The following PCDHGB4 variants were observed in gnomAD, a reference collection of about 807,000 sequenced individuals.
PCDHGB4 encodes the protein protocadherin gamma subfamily B, 4, also known as protocadherin gamma-B4.
PCDHGB4 carries 38 observed loss-of-function variants against 60.5 expected under a neutral mutation model. That is an observed-to-expected ratio of 0.63 (90% CI 0.48 to 0.82). The LOEUF (loss-of-function observed/expected upper bound fraction) is 0.82. Ranked by LOEUF, PCDHGB4 falls within the 40% of genes least tolerant of loss-of-function variation. The probability of loss-of-function intolerance (pLI) is 0.00; values close to 1 mark genes in which losing one functional copy is unlikely to be tolerated. For synonymous variants in PCDHGB4, 456 were observed against 509.7 expected (o/e 0.89, Z 1.42); for missense variants, 1,109 against 1,209.6 (o/e 0.92, Z 1.23).
chr5:141,482,126 A>G (rs1235540230), intron 1 of PCDHGB4, among the ~76,000 whole-genome samples: 1 of 152,004 alleles, frequency 6.6e-6, no homozygotes, highest in Non-Finnish European at 1.5e-5. Flanking sequence ...TGGGAGAATC[A>G]TATGGCTGGC....
Position 141,487,686 on chromosome 5 carries a change from T to G in PCDHGB4, c.2398-7121T>G, listed in dbSNP as rs778973495. The G allele has an allele frequency of 4.4e-6, 7 of 1,605,914 alleles. 1 individual carries two copies. The African/African-American group carries it at 9.4e-5, about 21-fold the overall frequency. On this transcript the variant is annotated intron_variant, in intron 1 of 3. Coordinates refer to ENST00000519479, the MANE Select transcript of PCDHGB4 (RefSeq NM_003736.4). The surrounding 1 kb of genome is among the most constrained non-coding windows in gnomAD (Gnocchi z 5.0). Reference sequence around the variant, plus strand: ...CCAGGCATATGGCTAGGCCATGTCCTAGAGAGTACTGGCCTCTCAGTAAGT... The same window carrying G: ...CCAGGCATATGGCTAGGCCATGTCCGAGAGAGTACTGGCCTCTCAGTAAGT...
At chr5:141,464,156 T>C (rs2099077051) in intron 1 of PCDHGB4, among the ~76,000 whole-genome samples, 2 of 151,752 alleles carry the variant, frequency 1.3e-5, no homozygotes, top group Non-Finnish European at 1.5e-5. Context: ...TCCCAGCTAC[T>C]TGGAAGGCTG....
At chr5:141,407,910 G>A in intron 1 of PCDHGB4, 1 of 428,786 alleles carries the variant, frequency 2.3e-6, no homozygotes, top group Non-Finnish European at 4.1e-6. Flanking sequence ...GAAAAACCGG[G>A]CTGCTGTCCC....
Position 141,389,112 on chromosome 5 carries a change from C to T in PCDHGB4, c.1228C>T (p.Arg410Cys), listed in dbSNP as rs376966829. ...YKLVTDAVLD[R>C]EQNPEYNITV... ...ATTAGTGACAGATGCTGTTCTAGAC[C>T]GCGAGCAGAATCCAGAGTACAATAT... is the stretch of plus-strand genomic sequence containing the variant. Residue 410 changes from arginine to cysteine, a missense_variant, in exon 1 of 4, where the codon CGC becomes TGC. Arg to Cys is a radical substitution (Grantham distance 180). Around this residue, in one of 2 missense-constraint regions of PCDHGB4, gnomAD observed 1,068 missense variants for 1,089.9 expected, o/e 0.98. Coordinates refer to ENST00000519479, the MANE Select transcript of PCDHGB4 (RefSeq NM_003736.4). 22 of 1,613,964 alleles carry T rather than the reference C, an allele frequency of 1.4e-5. No individual in the cohort carries two copies. Among genetic ancestry groups the T allele is most frequent in the Non-Finnish European group, 1.9e-5 (22 of 1,179,870 alleles).
At chr5:141,460,132 T>TAAAA in intron 1 of PCDHGB4, among the ~76,000 whole-genome samples, 1 of 152,036 alleles carries the variant, frequency 6.6e-6, no homozygotes, top group South Asian at 2.1e-4. Context: ...GTAATATATA[T>TAAAA]ATTCTTGATG....
At chr5:141,410,351 C>G in intron 1 of PCDHGB4, 1 of 1,614,066 alleles carries the variant, frequency 6.2e-7, no homozygotes. Flanking sequence ...GCGCCTGCGA[C>G]GCTCTCTCAG....
chr5:141,419,842 C>A, intron 1 of PCDHGB4: 1 of 1,614,074 alleles, frequency 6.2e-7, no homozygotes, highest in South Asian at 1.1e-5. Flanking sequence ...CCACGCTGCA[C>A]CTGGTGTTCG....
intron 2 of PCDHGB4, among the ~76,000 whole-genome samples, chr5:141,504,869 C>T (rs919109041): frequency 6.6e-6 from 1 of 152,134 alleles, no homozygotes; most frequent in Admixed American, 6.5e-5. Flanking sequence ...CCCACCTTCA[C>T]AGTCCTCTGG....
intron 1 of PCDHGB4, among the ~76,000 whole-genome samples, chr5:141,438,623 T>C (rs1485045684): frequency 2.3e-4 from 10 of 42,840 alleles, no homozygotes; most frequent in Non-Finnish European, 3.8e-4. Flanking sequence ...TATATATATA[T>C]ATATATATAT....
Position 141,491,722 on chromosome 5 carries a change from CG to C in PCDHGB4, c.2398-3082del. Reference sequence around the variant, plus strand: ...CCAGGTGAGGGGCTCGGCGCCGCCCCGGGCGACCCCTGGGGGCGGCACTGGA... The same window carrying C: ...CCAGGTGAGGGGCTCGGCGCCGCCCCGGCGACCCCTGGGGGCGGCACTGGA... On this transcript the variant is annotated intron_variant, in intron 1 of 3. Transcript: ENST00000519479. The surrounding 1 kb of genome is among the most constrained non-coding windows in gnomAD (Gnocchi z 6.9). The C allele has an allele frequency of 1.2e-6, 2 of 1,607,004 alleles. No homozygotes were observed. Among genetic ancestry groups the C allele is most frequent in the Non-Finnish European group, 1.7e-6 (2 of 1,177,148 alleles).
rs57426385 is a variant in PCDHGB4, at chr5:141,415,740, G to GTTTTTTTTTTTTT, written c.2397+25479_2397+25491dup. ...TGAGTAGAATTTGATGTTTATTAAGGTTTTTTTTTTTTTTTTTTTTTTTTT... is the reference window on the plus strand; with the variant it reads ...TGAGTAGAATTTGATGTTTATTAAGGTTTTTTTTTTTTTTTTTTTTTTTTTTTTTTTTTTTTTT... On this transcript the variant is annotated intron_variant, in intron 1 of 3. Coordinates refer to ENST00000519479, the MANE Select transcript of PCDHGB4 (RefSeq NM_003736.4). The GTTTTTTTTTTTTT allele has an allele frequency of 2.5e-4, 159 of 625,022 alleles. 3 individuals carry two copies. Among genetic ancestry groups the GTTTTTTTTTTTTT allele is most frequent in the Admixed American group, 5.7e-4 (8 of 14,124 alleles). 38.7% of individuals were successfully genotyped at this position (625,022 alleles called of 1,614,324 possible).
rs2099427993 is a variant in PCDHGB4, at chr5:141,477,978, T to C, written c.2398-16829T>C. Reference sequence around the variant, plus strand: ...TCCCCTAACCAGAGCCTTTTTGCCATAGGGCTGCACACTGGTCAAATCAGT... The same window carrying C: ...TCCCCTAACCAGAGCCTTTTTGCCACAGGGCTGCACACTGGTCAAATCAGT... On this transcript the variant is annotated intron_variant, in intron 1 of 3. Coordinates refer to ENST00000519479, the MANE Select transcript of PCDHGB4 (RefSeq NM_003736.4). This position sits in a 1 kb window ranked among gnomAD's most constrained non-coding sequence, Gnocchi z 4.9. 6.2e-7 allele frequency: 1 copy of C among 1,614,120 alleles called. No individual in the cohort carries two copies. Among genetic ancestry groups the C allele is most frequent in the Non-Finnish European group, 8.5e-7 (1 of 1,180,022 alleles).
intron 2 of PCDHGB4, among the ~76,000 whole-genome samples, chr5:141,497,541 T>A (rs1157403777): frequency 1.1e-5 from 1 of 89,566 alleles, no homozygotes; most frequent in Admixed American, 1.2e-4. Context: ...GCAACAAACC[T>A]TTTTTTTTTT....
intron 1 of PCDHGB4, among the ~76,000 whole-genome samples, chr5:141,452,165 C>G (rs917431071): frequency 2.6e-5 from 4 of 152,120 alleles, no homozygotes; most frequent in African/African-American, 9.7e-5. Flanking sequence ...TATTCTATTA[C>G]TAACATTTTT....
intron 1 of PCDHGB4, chr5:141,394,481 T>G (rs766569646): frequency 6.2e-7 from 1 of 1,614,206 alleles, no homozygotes; most frequent in African/African-American, 1.3e-5. Flanking sequence ...TGGACCAGAA[T>G]GACAACGCGC....
intron 1 of PCDHGB4, chr5:141,422,068 T>C (rs1340696188): frequency 2.5e-6 from 4 of 1,612,076 alleles, no homozygotes; most frequent in Non-Finnish European, 3.4e-6. Flanking sequence ...AGTAATGTAT[T>C]CATTTCGGAA....
intron 1 of PCDHGB4, chr5:141,422,866 G>C: frequency 1.2e-6 from 2 of 1,614,216 alleles, no homozygotes; most frequent in Non-Finnish European, 8.5e-7. Context: ...CAGCAGCAAC[G>C]TGTCGCTGAG....
intron 1 of PCDHGB4, chr5:141,419,658 A>C: frequency 1.9e-6 from 3 of 1,612,782 alleles, no homozygotes; most frequent in Non-Finnish European, 2.5e-6. Context: ...GACTCGGGGC[A>C]CAATGCCTGG....
chr5:141,439,638 C>T (rs1256973189), intron 1 of PCDHGB4, among the ~76,000 whole-genome samples: 2 of 152,184 alleles, frequency 1.3e-5, no homozygotes, highest in African/African-American at 4.8e-5. Context: ...GACATTCCGG[C>T]TTGGTGGCTT....
Sources: allele counts gnomAD v4.1 joint callset (sites outside exome capture counted in the v4.1 genomes callset), GRCh38; gene constraint gnomAD v4.1.1; regional missense constraint gnomAD v4.1.1; non-coding constraint Gnocchi (gnomAD v3.1); transcripts MANE v1.5; gene names NCBI Gene and HGNC (gene_info 2026-07-23, HGNC 2026-07-21).